Variants in STK3 observed in about 807,000 individuals in gnomAD.
The protein encoded by STK3 is serine/threonine-protein kinase 3.
STK3 carries 41 observed loss-of-function variants against 58.0 expected under a neutral mutation model. The ratio of observed to expected loss-of-function variants is 0.71; its 90% CI spans 0.55 to 0.92. The LOEUF is 0.92. STK3 is among the 40% of genes least tolerant of loss of function. The probability of loss-of-function intolerance (pLI) is 0.00; values close to 1 mark genes in which losing one functional copy is unlikely to be tolerated. For synonymous variants in STK3, 170 were observed against 191.0 expected (o/e 0.89, Z 0.91); for missense variants, 479 against 602.7 (o/e 0.79, Z 2.15).
chr8:98,462,223 T>C (rs1820042852), intron 10 of STK3, among the ~76,000 whole-genome samples: 1 of 152,182 alleles, frequency 6.6e-6, no homozygotes, highest in South Asian at 2.1e-4. Context: ...GTCTACTCTG[T>C]CACGCAAGCT....
intron 6 of STK3, among the ~76,000 whole-genome samples, chr8:98,620,440 C>T (rs1818182181): frequency 1.4e-5 from 2 of 139,800 alleles, no homozygotes; most frequent in South Asian, 4.5e-4. Context: ...ACAATGTGCA[C>T]ATGTACCCTA....
intron 10 of STK3, among the ~76,000 whole-genome samples, chr8:98,473,736 A>G (rs1318010273): frequency 6.6e-6 from 1 of 152,026 alleles, no homozygotes; most frequent in Non-Finnish European, 1.5e-5. Context: ...CTTGGCTCCT[A>G]CAACACCATG....
chr8:98,851,809 C>G (rs1836479587), intron 3 of STK3, among the ~76,000 whole-genome samples: 1 of 152,018 alleles, frequency 6.6e-6, no homozygotes, highest in African/African-American at 2.4e-5. Context: ...TTGAAGATAC[C>G]TTGTCTTTAC....
chr8:98,373,722 T>A (rs1817640328), intron 2 of STK3, among the ~76,000 whole-genome samples: 1 of 152,206 alleles, frequency 6.6e-6, no homozygotes, highest in Non-Finnish European at 1.5e-5. Context: ...AAAGGTAATA[T>A]CTGCTTCTTT....
At chr8:98,650,476 C>G (rs1757314050) in intron 6 of STK3, among the ~76,000 whole-genome samples, 1 of 152,228 alleles carries the variant, frequency 6.6e-6, no homozygotes. Flanking sequence ...TAGGGAGTGC[C>G]AGACAGTGGG....
chr8:98,743,967 A>T (rs1045469742), intron 4 of STK3, among the ~76,000 whole-genome samples: 1 of 152,100 alleles, frequency 6.6e-6, no homozygotes, highest in Non-Finnish European at 1.5e-5. Context: ...GCAGCCAAAA[A>T]ACACATGAGA....
intron 10 of STK3, among the ~76,000 whole-genome samples, chr8:98,467,389 G>C (rs114292101): frequency 5.8e-4 from 88 of 152,200 alleles, no homozygotes; most frequent in African/African-American, 1.9e-3. Flanking sequence ...CTTAGTAATC[G>C]CTGGAGGGAG....
At chr8:98,409,918 C>T (rs535941307) in intron 3 of STK3, among the ~76,000 whole-genome samples, 4 of 152,162 alleles carry the variant, frequency 2.6e-5, no homozygotes, top group Non-Finnish European at 5.9e-5. Flanking sequence ...GCCATGTGCC[C>T]AGAAGGAAAA....
At chr8:98,665,729 A>T (rs1822297771) in intron 6 of STK3, among the ~76,000 whole-genome samples, 1 of 138,906 alleles carries the variant, frequency 7.2e-6, no homozygotes, top group Non-Finnish European at 1.5e-5. Flanking sequence ...TTTGAGACCG[A>T]GTCTTGCTCT....
At chr8:98,895,330 C>G (rs1454734399) in intron 1 of STK3, among the ~76,000 whole-genome samples, 1 of 152,178 alleles carries the variant, frequency 6.6e-6, no homozygotes, top group African/African-American at 2.4e-5. Context: ...TCAAACCACA[C>G]ACTGACTGAC....
intron 7 of STK3, among the ~76,000 whole-genome samples, chr8:98,586,695 T>G (rs1239075716): frequency 6.6e-6 from 1 of 152,008 alleles, no homozygotes. Flanking sequence ...CTTGTACCTC[T>G]GGTAGAATTA....
intron 1 of STK3, among the ~76,000 whole-genome samples, chr8:98,818,793 C>T (rs1245793868): frequency 6.6e-6 from 1 of 151,882 alleles, no homozygotes; most frequent in Non-Finnish European, 1.5e-5. Flanking sequence ...ATCTTCATGT[C>T]GATATTCACG....
At chr8:98,824,792 C>A (rs1452767636) in intron 1 of STK3, among the ~76,000 whole-genome samples, 1 of 152,216 alleles carries the variant, frequency 6.6e-6, no homozygotes, top group African/African-American at 2.4e-5. Context: ...ACAGCACTAT[C>A]TGAGAGATTA....
At chr8:98,713,117 C>T (rs867916129) in intron 4 of STK3, among the ~76,000 whole-genome samples, 30 of 152,042 alleles carry the variant, frequency 2.0e-4, no homozygotes, top group Middle Eastern at 3.4e-3. Context: ...CCAGAATCTC[C>T]GGGACACATT....
At chr8:98,696,604 A>T (rs1016825427) in intron 6 of STK3, among the ~76,000 whole-genome samples, 1 of 152,162 alleles carries the variant, frequency 6.6e-6, no homozygotes, top group Admixed American at 6.5e-5. Flanking sequence ...TTCTGCATCT[A>T]TTGAGATAAT....
Position 98,736,279 on chromosome 8 carries a change from A to T in STK3, c.351+12997T>A, listed in dbSNP as rs142147078. Among the ~76,000 whole-genome samples the T allele has an allele frequency of 1.5e-3, 227 of 152,292 alleles. 1 individual carries two copies. The highest frequency in any genetic ancestry group is 5.2e-3 in the African/African-American group (217 of 41,572). On this transcript the variant is annotated intron_variant, in intron 4 of 10. Transcript: ENST00000419617. ...AACATTTTCAGCTGGGCCTTCATGG[A>T]TGCAAATACACTAGGCAAAGACTGG...
At chr8:98,807,997 C>G (rs1427010407) in intron 1 of STK3, among the ~76,000 whole-genome samples, 1 of 152,094 alleles carries the variant, frequency 6.6e-6, no homozygotes, top group African/African-American at 2.4e-5. Flanking sequence ...GATTTTTAAA[C>G]TGGGGGGCAA....
upstream of STK3, among the ~76,000 whole-genome samples, chr8:98,391,760 A>G (rs1315562171): frequency 6.6e-6 from 1 of 152,118 alleles, no homozygotes; most frequent in Non-Finnish European, 1.5e-5. Flanking sequence ...GACAGGGTAG[A>G]GTGTGCTTAC....
chr8:98,876,553 G>A (rs1480694467), intron 3 of STK3, among the ~76,000 whole-genome samples: 1 of 152,176 alleles, frequency 6.6e-6, no homozygotes, highest in African/African-American at 2.4e-5. Flanking sequence ...AAGAGAGGCA[G>A]AGAGGCATTT....
Sources: gnomAD v4.1 joint callset for allele counts (sites outside exome capture counted in the v4.1 genomes callset) on GRCh38, gnomAD v4.1.1 for gene constraint, MANE v1.5 for transcripts, NCBI Gene and HGNC (gene_info 2026-07-23, HGNC 2026-07-21) for gene names.